Variants in TTLL5 observed in about 807,000 individuals in gnomAD.
The protein encoded by TTLL5 is tubulin tyrosine ligase like 5, also known as tubulin polyglutamylase TTLL5.
A neutral mutation model predicts 168.4 loss-of-function variants in TTLL5; 132 were observed. The ratio of observed to expected loss-of-function variants is 0.78; its 90% CI spans 0.68 to 0.91. The LOEUF (loss-of-function observed/expected upper bound fraction) is 0.91. Among genes scored for constraint, TTLL5 ranks in the 40% least tolerant of loss-of-function variants. The pLI, the probability that TTLL5 is intolerant of heterozygous loss-of-function variation, is 0.00. For synonymous variants in TTLL5, 546 were observed against 558.6 expected (o/e 0.98, Z 0.32); for missense variants, 1,545 against 1,581.5 (o/e 0.98, Z 0.39).
intron 25 of TTLL5, 69 bp from the exon 26 acceptor site, chr14:75,783,078 A>G (rs1004424063): frequency 7.0e-7 from 1 of 1,433,448 alleles, no homozygotes; most frequent in Admixed American, 2.3e-5. Context: ...TTTTAAAAAT[A>G]TTTGTTTTAT....
intron 31 of TTLL5, 21 bp downstream of exon 31, chr14:75,902,245 C>T (rs755381825): frequency 6.2e-6 from 10 of 1,612,682 alleles, no homozygotes; most frequent in Non-Finnish European, 8.5e-6. Flanking sequence ...ACCAGCTCTT[C>T]TGCAACTGGA....
chr14:75,915,299 A>G (rs373388305), intron 31 of TTLL5, among the ~76,000 whole-genome samples: 5 of 152,212 alleles, frequency 3.3e-5, no homozygotes, highest in Non-Finnish European at 1.5e-5. Context: ...AAAATTTATC[A>G]TCATGGTTCC....
At chr14:75,908,253 G>C (rs564868694) in intron 31 of TTLL5, among the ~76,000 whole-genome samples, 44 of 152,234 alleles carry the variant, frequency 2.9e-4, no homozygotes, top group African/African-American at 1.0e-3. Context: ...CCTATGACAC[G>C]ACTGTCACTG....
intron 12 of TTLL5, among the ~76,000 whole-genome samples, chr14:75,729,909 G>A (rs1888425350): frequency 6.6e-6 from 1 of 152,206 alleles, no homozygotes; most frequent in Admixed American, 6.5e-5. Flanking sequence ...CTGGTTTGGG[G>A]AAATGGTTAA....
At position 75,706,999 on chromosome 14, in the gene TTLL5, C is replaced by T; in HGVS notation, c.586-19C>T. On this transcript the variant is annotated intron_variant, in intron 7 of 31. Coordinates refer to ENST00000298832, the MANE Select transcript of TTLL5 (RefSeq NM_015072.5). ...TCCTGTGTATTTCTATTCTTTCATT[C>T]TTTCTCTTTACTCAATAGCCAAACC... 1 of 1,590,776 alleles carries T rather than the reference C, an allele frequency of 6.3e-7. No individual in the cohort carries two copies. The highest frequency in any genetic ancestry group is 8.6e-7 in the Non-Finnish European group (1 of 1,161,856).
chr14:75,715,502 C>CT (rs1887381514), intron 9 of TTLL5, among the ~76,000 whole-genome samples: 1 of 151,966 alleles, frequency 6.6e-6, no homozygotes, highest in African/African-American at 2.4e-5. Context: ...ATGATGATGG[C>CT]TTATTTACTA....
chr14:75,662,723 A>T (rs576849081), intron 1 of TTLL5, among the ~76,000 whole-genome samples: 2 of 152,222 alleles, frequency 1.3e-5, no homozygotes, highest in South Asian at 4.1e-4. Context: ...TGTTTTAGGG[A>T]ATCAGTCACC....
chr14:75,870,718 C>T (rs2030957699), intron 29 of TTLL5, among the ~76,000 whole-genome samples: 2 of 151,854 alleles, frequency 1.3e-5, no homozygotes, highest in Admixed American at 6.6e-5. Context: ...TCAGAAGACT[C>T]CCAGGAAACC....
chr14:75,902,028 G>A (rs952214048), intron 30 of TTLL5, 114 bp from the exon 31 acceptor site: 15 of 843,056 alleles, frequency 1.8e-5, no homozygotes, highest in Non-Finnish European at 2.6e-5. Context: ...AAGGAAGTGA[G>A]TGAATGAGCC....
Position 75,690,383 on chromosome 14 carries a change from C to A in TTLL5, c.502+61C>A, listed in dbSNP as rs140378363. On this transcript the variant is annotated intron_variant, in intron 6 of 31. Coordinates refer to ENST00000298832, the MANE Select transcript of TTLL5 (RefSeq NM_015072.5). ...AACTGAACCTGGGGAATATTTACCC[C>A]AAAAGCCTCCTCAAGGTGTCAACCA... The A allele has an allele frequency of 7.8e-4, 1,192 of 1,533,608 alleles. 8 individuals carry two copies. The African/African-American group carries it at 0.015, about 19-fold the overall frequency.
intron 31 of TTLL5, among the ~76,000 whole-genome samples, chr14:75,944,766 T>G (rs768967849): frequency 2.2e-4 from 34 of 152,126 alleles, no homozygotes; most frequent in Non-Finnish European, 4.0e-4. Context: ...GGAAAGGCAG[T>G]CTCCTTATAG....
intron 16 of TTLL5, 111 bp downstream of exon 16, chr14:75,745,319 A>C: frequency 8.1e-7 from 1 of 1,239,670 alleles, no homozygotes; most frequent in Middle Eastern, 1.9e-4. Flanking sequence ...GAAAAGAGAA[A>C]GATTCAAGAT....
At chr14:75,757,120 G>A (rs1342264902) in intron 18 of TTLL5, among the ~76,000 whole-genome samples, 2 of 152,034 alleles carry the variant, frequency 1.3e-5, no homozygotes, top group Admixed American at 1.3e-4. Context: ...TGGGATTACA[G>A]GTGCACGCCA....
chr14:75,923,363 C>T (rs532596736), intron 31 of TTLL5, among the ~76,000 whole-genome samples: 2 of 152,164 alleles, frequency 1.3e-5, no homozygotes, highest in East Asian at 3.9e-4. Context: ...ATAAATTTCC[C>T]TCTACACACT....
At chr14:75,678,307 C>T (rs1884341792) in intron 3 of TTLL5, among the ~76,000 whole-genome samples, 1 of 152,180 alleles carries the variant, frequency 6.6e-6, no homozygotes, top group South Asian at 2.1e-4. Flanking sequence ...TCTTTCTGAA[C>T]CATTTGAGAA....
In TTLL5 at chr14:75,764,730, C is replaced by G. The variant is rs770811029; in HGVS notation, c.1666C>G (p.Arg556Gly). ...LLSLEVRKRR[R>G]RSSRLRAMRP... is the part of the protein sequence containing the mutation. ...GTCTCTGGAGGTGCGAAAACGTAGA[C>G]GACGGAGTAGCAGATTGAGGGCAAT... Residue 556 changes from arginine to glycine, a missense_variant, in exon 19 of 32, where the codon CGA (arginine) becomes GGA (glycine). Transcript: ENST00000298832. 31 of 1,613,868 alleles carry G rather than the reference C, an allele frequency of 1.9e-5. No individual in the cohort carries two copies. The highest frequency in any genetic ancestry group is 3.3e-4 in the Middle Eastern group (2 of 6,084).
rs2140274649 is a variant in TTLL5 at position 75,752,885 on chromosome 14, C to T, written c.1488-8C>T. On this transcript the variant is annotated splice_region_variant and splice_polypyrimidine_tract_variant and intron_variant, in intron 17 of 31. Coordinates refer to ENST00000298832, the MANE Select transcript of TTLL5 (RefSeq NM_015072.5). ...AAGAAATAACCAGTTTCTTTCTTTGCTTTTCAGGTCCTACCTCGAGCATAA... is the reference window on the plus strand; with the variant it reads ...AAGAAATAACCAGTTTCTTTCTTTGTTTTTCAGGTCCTACCTCGAGCATAA... 11 of 1,612,368 alleles carry T rather than the reference C, an allele frequency of 6.8e-6. No individual in the cohort carries two copies. The East Asian group carries it at 2.5e-4, about 36-fold the overall frequency.
At chr14:75,732,120 C>A in intron 12 of TTLL5, 1 of 417,766 alleles carries the variant, frequency 2.4e-6, no homozygotes, top group Non-Finnish European at 4.3e-6. Context: ...ATGATAAAAA[C>A]AGTGGAATTT....
At chr14:75,910,594 A>G (rs1156992648) in intron 31 of TTLL5, among the ~76,000 whole-genome samples, 1 of 152,220 alleles carries the variant, frequency 6.6e-6, no homozygotes, top group Non-Finnish European at 1.5e-5. Context: ...AAAGTTCTAA[A>G]GAAAGAAAAT....
Sources: gnomAD v4.1 joint callset for allele counts (sites outside exome capture counted in the v4.1 genomes callset) on GRCh38, gnomAD v4.1.1 for gene constraint, MANE v1.5 for transcripts, NCBI Gene and HGNC (gene_info 2026-07-23, HGNC 2026-07-21) for gene names.